CFHR2: variants seen among roughly 807,000 people sequenced by gnomAD.
CFHR2 encodes complement factor H related 2.
A neutral mutation model predicts 21.7 loss-of-function variants in CFHR2; 22 were observed. That is an observed-to-expected ratio of 1.01 (90% CI 0.72 to 1.45). The LOEUF (loss-of-function observed/expected upper bound fraction) is 1.45, where lower values mean the gene tolerates loss of function less well. Ranked by LOEUF, CFHR2 falls within the 40% of genes most tolerant of loss-of-function variation. The pLI is 0.00. For missense variants in CFHR2, 294 were observed against 293.3 expected (o/e 1.00, Z -0.02); for synonymous variants, 98 against 97.4 (o/e 1.01, Z -0.04).
rs76633928 is a variant in CFHR2 at position 196,954,062 on chromosome 1, T to C, written c.430+3034T>C. ...ATACTAGTGATGGAGTTGAGAATAA[T>C]GGAAAGGTTCAAAAAACCTAGAAGA... On this transcript the variant is annotated intron_variant, in intron 3 of 4. Coordinates refer to ENST00000367415, the MANE Select transcript of CFHR2 (RefSeq NM_005666.4). Among the ~76,000 whole-genome samples the C allele has an allele frequency of 8.8e-3, 1,339 of 152,318 alleles. 22 individuals are homozygous for C. The highest frequency in any genetic ancestry group is 0.029 in the African/African-American group (1,221 of 41,570).
At chr1:196,948,313 G>A (rs148507148) in intron 1 of CFHR2, among the ~76,000 whole-genome samples, 325 of 151,664 alleles carry the variant, frequency 2.1e-3, no homozygotes, top group Non-Finnish European at 2.9e-3. Context: ...TTGCTCTGTC[G>A]CCCCCAGGAT....
intron 1 of CFHR2, among the ~76,000 whole-genome samples, chr1:196,947,399 A>G (rs202238335): frequency 3.3e-5 from 5 of 152,146 alleles, no homozygotes; most frequent in African/African-American, 7.2e-5. Context: ...AGAATATGTA[A>G]GTACAAATGT....
chr1:196,949,772 G>C, intron 2 of CFHR2, 123 bp downstream of exon 2: 1 of 1,224,914 alleles, frequency 8.2e-7, no homozygotes, highest in Middle Eastern at 1.9e-4. Flanking sequence ...AAAGATGGGA[G>C]ATGTAGTCCT....
At chr1:196,955,618 G>A (rs1044205631) in intron 3 of CFHR2, among the ~76,000 whole-genome samples, 4 of 152,152 alleles carry the variant, frequency 2.6e-5, no homozygotes, top group African/African-American at 9.7e-5. Flanking sequence ...GGAGACAGGG[G>A]CAGGTGAATC....
At chr1:196,954,673 G>C (rs908875696) in intron 3 of CFHR2, among the ~76,000 whole-genome samples, 10 of 131,924 alleles carry the variant, frequency 7.6e-5, no homozygotes, top group African/African-American at 3.2e-4. Flanking sequence ...TTCCCACCTG[G>C]AACCAAAAAA....
Position 196,949,572 on chromosome 1 carries a change from T to C in CFHR2, c.176T>C (p.Phe59Ser). The change falls in exon 2 of 5, where the codon TTT (phenylalanine) becomes TCT (serine). Residue 59 changes from phenylalanine to serine, a missense_variant. Transcript: ENST00000367415. ...EVFYYSCEYN[F>S]VSPSKSFWTR... ...TTCTATTACTCCTGTGAATATAATT[T>C]TGTGTCTCCTTCAAAATCCTTTTGG... is the stretch of plus-strand genomic sequence containing the variant. The C allele has an allele frequency of 1.9e-6, 3 of 1,614,078 alleles. No individual in the cohort carries two copies. The highest frequency in any genetic ancestry group is 1.7e-6 in the Non-Finnish European group (2 of 1,179,968).
At chr1:196,945,901 A>T (rs1402362204) in intron 1 of CFHR2, among the ~76,000 whole-genome samples, 1 of 151,418 alleles carries the variant, frequency 6.6e-6, no homozygotes, top group Non-Finnish European at 1.5e-5. Flanking sequence ...GAGTGGACTT[A>T]CACAAACCTA....
intron 1 of CFHR2, among the ~76,000 whole-genome samples, chr1:196,946,295 T>G (rs1659481345): frequency 6.6e-6 from 1 of 152,186 alleles, no homozygotes. Flanking sequence ...GAGCAGGTGG[T>G]TTTTGGTTAC....
rs1659646528 is a variant in CFHR2 at position 196,949,546 on chromosome 1, T to C, written c.150T>C (p.Val50=). ...TTTCCCAAGTTCCTACAGGGGAAGTTTTCTATTACTCCTGTGAATATAATT... is the reference window on the plus strand; with the variant it reads ...TTTCCCAAGTTCCTACAGGGGAAGTCTTCTATTACTCCTGTGAATATAATT... The part of the protein sequence containing the change: ...KPFSQVPTGE[V]FYYSCEYNFV... The change falls in exon 2 of 5, where the codon GTT becomes GTC. Residue 50 remains valine, a synonymous_variant. Coordinates refer to ENST00000367415, the MANE Select transcript of CFHR2 (RefSeq NM_005666.4). 6.2e-7 allele frequency: 1 copy of C among 1,613,922 alleles called. No homozygotes were observed.
At chr1:196,957,254 C>T (rs1032443375) in intron 3 of CFHR2, among the ~76,000 whole-genome samples, 1 of 151,882 alleles carries the variant, frequency 6.6e-6, no homozygotes, top group South Asian at 2.1e-4. Flanking sequence ...AGAAAACCCA[C>T]ATGACACCCT....
intron 1 of CFHR2, among the ~76,000 whole-genome samples, chr1:196,947,129 A>ATG (rs60284392): frequency 0.1 from 15,109 of 148,564 alleles, 993 homozygotes; most frequent in African/African-American, 0.19. Context: ...GTATATATGT[A>ATG]TGTGTGTGTG....
intron 2 of CFHR2, among the ~76,000 whole-genome samples, chr1:196,949,984 A>G (rs1244334481): frequency 6.6e-6 from 1 of 152,218 alleles, no homozygotes; most frequent in East Asian, 1.9e-4. Context: ...CATTTTATAC[A>G]TATTCTGTTT....
At chr1:196,947,688 A>T (rs2125004073) in intron 1 of CFHR2, among the ~76,000 whole-genome samples, 1 of 152,338 alleles carries the variant, frequency 6.6e-6, no homozygotes, top group South Asian at 2.1e-4. Flanking sequence ...AAGGTGAAAA[A>T]TAAAATTATT....
chr1:196,946,984 T>C (rs1659522902), intron 1 of CFHR2, among the ~76,000 whole-genome samples: 1 of 152,190 alleles, frequency 6.6e-6, no homozygotes, highest in South Asian at 2.1e-4. Context: ...GTGAGTAATA[T>C]ATTACACTGC....
intron 3 of CFHR2, among the ~76,000 whole-genome samples, chr1:196,955,369 C>T (rs1299294087): frequency 1.3e-5 from 2 of 152,184 alleles, no homozygotes; most frequent in African/African-American, 4.8e-5. Flanking sequence ...GGGTTCCAAA[C>T]TTTCCCTCAT....
chr1:196,955,254 G>A (rs1652821675), intron 3 of CFHR2, among the ~76,000 whole-genome samples: 2 of 152,148 alleles, frequency 1.3e-5, no homozygotes, highest in South Asian at 2.1e-4. Flanking sequence ...CTTTGCTCCA[G>A]TTCCTAATAA....
In CFHR2 at chr1:196,953,301, G is replaced by A. The variant is rs552211282; in HGVS notation, c.430+2273G>A. Reference sequence around the variant, plus strand: ...TTACTTATTTACTTATTTATTTTTTGAGACAGAGTCTCACTGTGTTGCCCA... The same window carrying A: ...TTACTTATTTACTTATTTATTTTTTAAGACAGAGTCTCACTGTGTTGCCCA... On this transcript the variant is annotated intron_variant, in intron 3 of 4. Coordinates refer to ENST00000367415, the MANE Select transcript of CFHR2 (RefSeq NM_005666.4). Among the ~76,000 whole-genome samples, 31 of 151,634 alleles carry A rather than the reference G, an allele frequency of 2.0e-4. No individual in the cohort carries two copies. The Middle Eastern group carries it at 0.017, about 84-fold the overall frequency.
At chr1:196,950,274 G>C (rs551319393) in intron 2 of CFHR2, among the ~76,000 whole-genome samples, 4 of 152,250 alleles carry the variant, frequency 2.6e-5, no homozygotes, top group African/African-American at 9.6e-5. Context: ...CCCTAAAAGA[G>C]TTGATAAACA....
In CFHR2 at chr1:196,951,019, A is replaced by G; in HGVS notation, c.421A>G (p.Arg141Gly). The G allele has an allele frequency of 6.2e-7, 1 of 1,614,082 alleles. No individual in the cohort carries two copies. ...GGGCTGGTCCACTCCTCCCAAATGC[A>G]GGTCCACTAGTAAGTGCAATGTTGT... ...ERGWSTPPKC[R>G]STISAEKCGP... is the part of the protein sequence containing the mutation. The change falls in exon 3 of 5, where the codon AGG (arginine) becomes GGG (glycine). Residue 141 changes from arginine to glycine, a missense_variant. Transcript: ENST00000367415.
Sources: gnomAD v4.1 joint callset for allele counts (sites outside exome capture counted in the v4.1 genomes callset) on GRCh38, gnomAD v4.1.1 for gene constraint, MANE v1.5 for transcripts, NCBI Gene and HGNC (gene_info 2026-07-23, HGNC 2026-07-21) for gene names.